Variants in RGMB observed in about 807,000 individuals in gnomAD.
The protein encoded by RGMB is repulsive guidance molecule BMP co-receptor b, also known as repulsive guidance molecule B.
In RGMB, 16 loss-of-function variants were observed where a neutral mutation model predicts 26.9. The ratio of observed to expected loss-of-function variants is 0.60; its 90% CI spans 0.40 to 0.90. The LOEUF is 0.90. RGMB is among the 40% of genes least tolerant of loss of function. The pLI is 0.00. For missense variants in RGMB, 512 were observed against 573.3 expected (o/e 0.89, Z 1.09); for synonymous variants, 225 against 229.3 (o/e 0.98, Z 0.17).
chr5:98,783,347 A>C (rs1462226159), intron 2 of RGMB, among the ~76,000 whole-genome samples: 2 of 152,196 alleles, frequency 1.3e-5, no homozygotes, highest in Non-Finnish European at 2.9e-5. Context: ...TTTGGCTGTG[A>C]GAGGCGGCTA....
chr5:98,772,545 A>G (rs1017171214), upstream of RGMB: 1 of 152,204 alleles, frequency 6.6e-6, no homozygotes, highest in African/African-American at 2.4e-5. Flanking sequence ...GTTTGGGGAA[A>G]GGCAAAGGCG....
chr5:98,796,347 C>CA lies in RGMB; in HGVS notation c.*2596dup, dbSNP rs60547205. On this transcript the variant is annotated 3_prime_UTR_variant, in exon 3 of 3. Transcript: ENST00000513185. ...TTATGCTTGGAAGCTCCCCCCCCCC[C>CA]AACAGTGTGTCGAGTCTTTGCAAAG... 1 of 136,622 alleles carries CA rather than the reference C, an allele frequency of 7.3e-6. No homozygotes were observed. Among genetic ancestry groups the CA allele is most frequent in the Non-Finnish European group, 1.5e-5 (1 of 65,192 alleles). The allele number at this position is 136,622 out of a possible 1,614,324, so 8.5% of individuals were successfully genotyped here. A position where few individuals can be genotyped will look rare whatever the true frequency, so the allele number is the denominator to read the frequency against.
At chr5:98,770,086 GGAGT>G (rs1429530793), upstream of RGMB, 1 of 152,540 alleles carries the variant, frequency 6.6e-6, no homozygotes, top group Non-Finnish European at 1.5e-5. Context: ...GGCGTCTTCT[GGAGT>G]GGAGTTCTTT....
At chr5:98,772,608 C>G (rs1422980291), upstream of RGMB, 1 of 152,150 alleles carries the variant, frequency 6.6e-6, no homozygotes, top group African/African-American at 2.4e-5. Context: ...GATTAGATAC[C>G]ACTTCACACC....
In RGMB at chr5:98,774,142, G is replaced by T. The variant is rs932636299; in HGVS notation, c.72G>T (p.Gly24=). ...AGGTTGAGCAGCGCCGCAGCCCCGG[G>T]CTCTGCCCCCCGCCGCTGGAGCTGC... ...AAEVEQRRSP[G]LCPPPLELLL... The change falls in exon 1 of 3, where the codon GGG becomes GGT. Residue 24 remains glycine, a synonymous_variant. Transcript: ENST00000513185. 6 of 1,488,974 alleles carry T rather than the reference G, an allele frequency of 4.0e-6. No homozygotes were observed. Among genetic ancestry groups the T allele is most frequent in the Non-Finnish European group, 5.3e-6 (6 of 1,121,816 alleles). The allele number at this position is 1,488,974 out of a possible 1,614,324, so 92.2% of individuals were successfully genotyped here. A position where few individuals can be genotyped will look rare whatever the true frequency, so the allele number is the denominator to read the frequency against.
chr5:98,773,660 C>G (rs956324703), upstream of RGMB: 6 of 340,910 alleles, frequency 1.8e-5, no homozygotes, highest in Non-Finnish European at 2.6e-5. Context: ...CGGGGGCTGC[C>G]GCGCAGAGAT....
At chr5:98,772,168 A>G (rs1167926254), upstream of RGMB, among the ~76,000 whole-genome samples, 3 of 152,258 alleles carry the variant, frequency 2.0e-5, no homozygotes, top group Non-Finnish European at 4.4e-5. Context: ...AGCTATTATT[A>G]AGCGTATTAT....
intron 1 of RGMB, among the ~76,000 whole-genome samples, chr5:98,778,712 G>A (rs1746495515): frequency 6.6e-6 from 1 of 152,130 alleles, no homozygotes; most frequent in Non-Finnish European, 1.5e-5. Context: ...TGAGAAACTA[G>A]TGGTAAAAAG....
chr5:98,784,160 A>G (rs970079), intron 2 of RGMB, among the ~76,000 whole-genome samples: 89,576 of 152,102 alleles, frequency 0.59, 28,882 homozygotes, highest in African/African-American at 0.86. Flanking sequence ...AGGCAGATGG[A>G]CAGATGCTCT....
At chr5:98,777,156 C>CT (rs1746441998) in intron 1 of RGMB, among the ~76,000 whole-genome samples, 1 of 151,640 alleles carries the variant, frequency 6.6e-6, no homozygotes, top group Non-Finnish European at 1.5e-5. Flanking sequence ...AGCTGGGAAT[C>CT]TAAATTCCAC....
In RGMB at chr5:98,794,341, T is replaced by G. The variant is rs764180218; in HGVS notation, c.*588T>G. On this transcript the variant is annotated 3_prime_UTR_variant, in exon 3 of 3. Coordinates refer to ENST00000513185, the MANE Select transcript of RGMB (RefSeq NM_001366508.1). Reference sequence around the variant, plus strand: ...CTGATCTTAAGAAGCTCTCTTCATCTAAGAGCTGTTACTTTTTCAGAAGGG... The same window carrying G: ...CTGATCTTAAGAAGCTCTCTTCATCGAAGAGCTGTTACTTTTTCAGAAGGG... The G allele has an allele frequency of 6.6e-6, 1 of 152,252 alleles. No homozygotes were observed. Among genetic ancestry groups the G allele is most frequent in the Non-Finnish European group, 1.5e-5 (1 of 68,078 alleles). The allele number at this position is 152,252 out of a possible 1,614,324, so 9.4% of individuals were successfully genotyped here. A position where few individuals can be genotyped will look rare whatever the true frequency, so the allele number is the denominator to read the frequency against.
At chr5:98,770,924 T>C, upstream of RGMB, 5 of 385,462 alleles carry the variant, frequency 1.3e-5, no homozygotes, top group East Asian at 1.9e-4. Context: ...GCCCTTACTC[T>C]AGAAAGGATT....
chr5:98,772,077 C>A, upstream of RGMB, among the ~76,000 whole-genome samples: 1 of 152,134 alleles, frequency 6.6e-6, no homozygotes. Flanking sequence ...AATTTTTGCT[C>A]TAATAATACT....
At chr5:98,772,680 A>T (rs935978089), upstream of RGMB, 1 of 152,200 alleles carries the variant, frequency 6.6e-6, no homozygotes, top group East Asian at 1.9e-4. Context: ...TCCACTTGGC[A>T]GCCTCTTTCT....
At position 98,793,882 on chromosome 5, in the gene RGMB, G is replaced by A. The variant is rs1747027940; in HGVS notation, c.*129G>A. The A allele has an allele frequency of 1.4e-6, 1 of 717,348 alleles. No homozygotes were observed. Among genetic ancestry groups the A allele is most frequent in the Middle Eastern group, 4.0e-4 (1 of 2,486 alleles). The allele number at this position is 717,348 out of a possible 1,614,324, so 44.4% of individuals were successfully genotyped here. A position where few individuals can be genotyped will look rare whatever the true frequency, so the allele number is the denominator to read the frequency against. ...GTATATGACAGGATGTTTGTCCTGG[G>A]ACACCCACCAGATTGTACATACTGT... On this transcript the variant is annotated 3_prime_UTR_variant, in exon 3 of 3. Coordinates refer to ENST00000513185, the MANE Select transcript of RGMB (RefSeq NM_001366508.1).
intron 2 of RGMB, among the ~76,000 whole-genome samples, chr5:98,784,293 T>A (rs973113608): frequency 1.3e-5 from 2 of 152,222 alleles, no homozygotes; most frequent in Admixed American, 6.5e-5. Context: ...ATGGATAGTC[T>A]AAATTCCATA....
In RGMB at chr5:98,793,080, C is replaced by T; in HGVS notation, c.646-5C>T. 6.3e-7 allele frequency: 1 copy of T among 1,589,314 alleles called. No homozygotes were observed. The highest frequency in any genetic ancestry group is 8.6e-7 in the Non-Finnish European group (1 of 1,163,572). The stretch of plus-strand genomic sequence containing the variant: ...GTTAAACCTTGTACATGCTCCTTCC[C>T]ACAGATCACTATTATCTTCAAAGCC... On this transcript the variant is annotated splice_polypyrimidine_tract_variant and splice_region_variant and intron_variant, in intron 2 of 2. Transcript: ENST00000513185.
chr5:98,787,642 C>T (rs994749508), intron 2 of RGMB, among the ~76,000 whole-genome samples: 3 of 152,204 alleles, frequency 2.0e-5, no homozygotes, highest in African/African-American at 7.2e-5. Context: ...ACACAACAGA[C>T]AAGCTAAGGG....
intron 2 of RGMB, among the ~76,000 whole-genome samples, chr5:98,790,653 T>TTGCTTTG (rs1164815887): frequency 6.6e-6 from 1 of 152,230 alleles, no homozygotes; most frequent in Non-Finnish European, 1.5e-5. Context: ...TTGCTTGCTT[T>TTGCTTTG]TTGGAAACTT....
Sources: allele counts gnomAD v4.1 joint callset (sites outside exome capture counted in the v4.1 genomes callset), GRCh38; gene constraint gnomAD v4.1.1; transcripts MANE v1.5; gene names NCBI Gene and HGNC (gene_info 2026-07-23, HGNC 2026-07-21).